MROH1: variants seen among roughly 807,000 people sequenced by gnomAD.
MROH1 encodes the protein maestro heat like repeat family member 1.
Under a neutral mutation model 116.5 loss-of-function variants are expected in MROH1, and 117 were observed. The observed-to-expected ratio is 1.00, with a 90% confidence interval of 0.86 to 1.17. The LOEUF is 1.17. Among genes scored for constraint, MROH1 ranks in the 50% most tolerant of loss-of-function variants. MROH1 has a pLI of 0.00. For missense variants in MROH1, 1,873 were observed against 1,338.5 expected, an observed-to-expected ratio of 1.40 and a Z score of -6.23; for synonymous variants, 921 against 583.9, an observed-to-expected ratio of 1.58 and a Z score of -8.32.
chr8:144,202,017 CCAAA>C (rs1376062450), intron 12 of MROH1, among the ~76,000 whole-genome samples: 6 of 52,806 alleles, frequency 1.1e-4, no homozygotes, highest in Non-Finnish European at 8.3e-5. Context: ...GACTCCGTCT[CCAAA>C]AAAAAAAAAA....
chr8:144,210,595 A>T (rs143153688), intron 12 of MROH1, among the ~76,000 whole-genome samples: 1 of 152,164 alleles, frequency 6.6e-6, no homozygotes, highest in African/African-American at 2.4e-5. Flanking sequence ...AGGCTAAGAC[A>T]TGAGAATCGC....
At chr8:144,173,533 C>T (rs1200237410) in intron 4 of MROH1, among the ~76,000 whole-genome samples, 1 of 151,914 alleles carries the variant, frequency 6.6e-6, no homozygotes, top group Non-Finnish European at 1.5e-5. Flanking sequence ...TCAAGCAGTT[C>T]TCCTGCCTCA....
intron 4 of MROH1, chr8:144,174,847 G>T: frequency 1.0e-6 from 1 of 985,260 alleles, no homozygotes; most frequent in Non-Finnish European, 1.2e-6. Context: ...TTTTCCAGTT[G>T]CATAACCCAT....
Position 144,245,217 on chromosome 8 carries a change from G to A in MROH1, c.2828G>A (p.Ser943Asn). 1.3e-6 allele frequency: 1 copy of A among 779,118 alleles called. No individual in the cohort carries two copies. Among genetic ancestry groups the A allele is most frequent in the Non-Finnish European group, 2.4e-6 (1 of 417,794 alleles). 48.3% of individuals were successfully genotyped at this position (779,118 alleles called of 1,614,324 possible). A position where few individuals can be genotyped will look rare whatever the true frequency, so the allele number is the denominator to read the frequency against. ...GHERARALGL[S>N]ALLLRYFLEH... ...GAGCGGGCGCGGGCCCTGGGCCTGA[G>A]CGCCCTCCTGCTGCGCTACTTCCTG... Residue 943 changes from serine to asparagine, a missense_variant, in exon 29 of 44, where the codon AGC becomes AAC. Transcript: ENST00000326134.
chr8:144,154,226 G>A (rs1817527487), intron 1 of MROH1, among the ~76,000 whole-genome samples: 1 of 152,000 alleles, frequency 6.6e-6, no homozygotes, highest in South Asian at 2.1e-4. Flanking sequence ...CACCACGCCG[G>A]CTAATTTTTA....
Position 144,240,570 on chromosome 8 carries a change from T to G in MROH1, c.1828T>G (p.Phe610Val). 1.4e-6 allele frequency: 1 copy of G among 716,650 alleles called. No homozygotes were observed. The highest frequency in any genetic ancestry group is 2.6e-6 in the Non-Finnish European group (1 of 384,880). The allele number at this position is 716,650 out of a possible 1,614,324, so 44.4% of individuals were successfully genotyped here. A position where few individuals can be genotyped will look rare whatever the true frequency, so the allele number is the denominator to read the frequency against. ...CCCTCAGTGGCATCTTGGCCTGCAG[T>G]TCCTGCGAGACACCCTGGCCATCAT... Reference protein sequence around the residue: ...QEEWEEKLLMFLRDTLAIISD... With the variant: ...QEEWEEKLLMVLRDTLAIISD... The change falls in exon 20 of 44, where the codon TTC becomes GTC. Residue 610 changes from phenylalanine to valine, a missense_variant and splice_region_variant. Phe to Val is a conservative substitution (Grantham distance 50). Coordinates refer to ENST00000326134, the MANE Select transcript of MROH1 (RefSeq NM_032450.3).
At chr8:144,254,744 A>G in intron 33 of MROH1, 69 bp from the exon 34 acceptor site, 1 of 713,862 alleles carries the variant, frequency 1.4e-6, no homozygotes, top group South Asian at 1.5e-5. Flanking sequence ...GGTCCACGGC[A>G]CCCAGGTGGC....
At position 144,168,425 on chromosome 8, in the gene MROH1, G is replaced by T. The variant is rs1821521073; in HGVS notation, c.153G>T (p.Leu51=). The T allele has an allele frequency of 6.2e-7, 1 of 1,608,650 alleles. No individual in the cohort carries two copies. The highest frequency in any genetic ancestry group is 1.3e-5 in the African/African-American group (1 of 74,882). ...CGCTCCGTGCCTGCGAGGAGTATCT[G>T]CGGCAGCATGACAAGGTATGTGTGC... The part of the protein sequence containing the change: ...VETLRACEEY[L]RQHDKLAHPY... The change falls in exon 4 of 44, where the codon CTG becomes CTT. Residue 51 remains leucine, a synonymous_variant. Coordinates refer to ENST00000326134, the MANE Select transcript of MROH1 (RefSeq NM_032450.3).
Position 144,190,797 on chromosome 8 carries a change from C to T in MROH1, c.576C>T (p.Phe192=), listed in dbSNP as rs750040582. ...CCGGTTTTGTAGCTCTGCAGCGCTT[C>T]AGCGAGGGTGCCCTGGAGTACCTAG... ...RVAFCSALQR[F]SEGALEYLAN... Residue 192 remains phenylalanine, a synonymous_variant, in exon 8 of 44, where the codon TTC becomes TTT. Transcript: ENST00000326134. The T allele has an allele frequency of 6.2e-7, 1 of 1,613,538 alleles. No individual in the cohort carries two copies. The highest frequency in any genetic ancestry group is 8.5e-7 in the Non-Finnish European group (1 of 1,179,806).
intron 4 of MROH1, among the ~76,000 whole-genome samples, chr8:144,169,032 G>A (rs572339149): frequency 1.4e-4 from 22 of 152,336 alleles, no homozygotes; most frequent in East Asian, 9.6e-4. Flanking sequence ...TAGGACAGAC[G>A]TGGCCCGGCT....
intron 1 of MROH1, among the ~76,000 whole-genome samples, chr8:144,154,052 G>A (rs1319478320): frequency 7.3e-5 from 11 of 150,042 alleles, no homozygotes; most frequent in South Asian, 4.2e-4. Flanking sequence ...GAGCCAAAGC[G>A]TCCACCCTAT....
chr8:144,242,479 C>G lies in MROH1; in HGVS notation c.2289C>G (p.Asp763Glu). Reference protein sequence around the residue: ...RELVLAKVESDILRNICQHFS... With the variant: ...RELVLAKVESEILRNICQHFS... The stretch of plus-strand genomic sequence containing the variant: ...TGGTGCTGGCCAAGGTAGAGTCAGA[C>G]ATCCTCCGGAACATCTGCCAGCACT... The change falls in exon 23 of 44, where the codon GAC (aspartate) becomes GAG (glutamate). Residue 763 changes from aspartate (D) to glutamate (E), a missense_variant. By Grantham distance (45) the Asp-to-Glu change is conservative (BLOSUM62 2). Transcript: ENST00000326134. The G allele has an allele frequency of 2.6e-6, 2 of 780,716 alleles. No individual in the cohort carries two copies. The highest frequency in any genetic ancestry group is 2.7e-5 in the South Asian group (2 of 74,622). 48.4% of individuals were successfully genotyped at this position (780,716 alleles called of 1,614,324 possible).
chr8:144,148,295 C>T (rs944682252), intron 1 of MROH1, among the ~76,000 whole-genome samples: 7 of 152,294 alleles, frequency 4.6e-5, no homozygotes, highest in South Asian at 4.1e-4. Context: ...GAAGAGAGGC[C>T]GGAGCTGTGC....
intron 4 of MROH1, among the ~76,000 whole-genome samples, chr8:144,169,031 C>T (rs886935619): frequency 2.0e-5 from 3 of 152,330 alleles, no homozygotes; most frequent in South Asian, 2.1e-4. Context: ...CTAGGACAGA[C>T]GTGGCCCGGC....
chr8:144,216,179 C>A (rs1454037715), intron 12 of MROH1, among the ~76,000 whole-genome samples: 3 of 147,750 alleles, frequency 2.0e-5, no homozygotes, highest in Admixed American at 1.4e-4. Context: ...AACCCTGTCT[C>A]AAAAAAAACA....
chr8:144,192,860 C>T (rs938028252), intron 10 of MROH1: 4 of 331,736 alleles, frequency 1.2e-5, no homozygotes, highest in Non-Finnish European at 2.3e-5. Context: ...GACCCCTCCC[C>T]AGGTCGGGTG....
chr8:144,212,041 G>C (rs1001728303), intron 12 of MROH1, among the ~76,000 whole-genome samples: 2 of 151,524 alleles, frequency 1.3e-5, no homozygotes, highest in African/African-American at 4.9e-5. Context: ...TACAAAAATA[G>C]CCCTGGTTCC....
chr8:144,257,518 C>T (rs956789187), intron 35 of MROH1, among the ~76,000 whole-genome samples: 5 of 152,226 alleles, frequency 3.3e-5, no homozygotes, highest in Admixed American at 6.5e-5. Context: ...TGTACCCAAC[C>T]GTCCAGAAGC....
At chr8:144,247,729 G>A (rs1006116684) in intron 31 of MROH1, 50 bp downstream of exon 31, 41 of 715,718 alleles carry the variant, frequency 5.7e-5, no homozygotes, top group Non-Finnish European at 9.7e-5. Context: ...ACTGTCTGGG[G>A]CTAACAGGGA....
Sources: allele counts gnomAD v4.1 joint callset (sites outside exome capture counted in the v4.1 genomes callset), GRCh38; gene constraint gnomAD v4.1.1; transcripts MANE v1.5; gene names NCBI Gene and HGNC (gene_info 2026-07-23, HGNC 2026-07-21).